HERC4: variants seen among roughly 807,000 people sequenced by gnomAD.
The protein encoded by HERC4 is probable E3 ubiquitin-protein ligase HERC4.
In HERC4, 28 loss-of-function variants were observed where a neutral mutation model predicts 124.3. That is an observed-to-expected ratio of 0.23 (90% CI 0.17 to 0.31). The LOEUF (loss-of-function observed/expected upper bound fraction) is 0.31, where lower values mean the gene tolerates loss of function less well. HERC4 is among the 10% of genes least tolerant of loss of function. The pLI, the probability that HERC4 is intolerant of heterozygous loss-of-function variation, is 1.00. For synonymous variants in HERC4, 407 were observed against 421.5 expected, an observed-to-expected ratio of 0.97 and a Z score of 0.42; for missense variants, 713 against 1,229.3, an observed-to-expected ratio of 0.58 and a Z score of 6.28.
At chr10:67,969,070 T>C (rs1186321522) in intron 15 of HERC4, among the ~76,000 whole-genome samples, 4 of 152,204 alleles carry the variant, frequency 2.6e-5, no homozygotes, top group Non-Finnish European at 5.9e-5. Flanking sequence ...CTGTCCACAA[T>C]GGAATTAAAC....
chr10:68,025,621 G>C lies in HERC4; in HGVS notation c.833C>G (p.Ser278Cys). 1 of 1,613,672 alleles carries C rather than the reference G, an allele frequency of 6.2e-7. No individual in the cohort carries two copies. Among genetic ancestry groups the C allele is most frequent in the Non-Finnish European group, 8.5e-7 (1 of 1,179,806 alleles). Residue 278 changes from serine to cysteine, a missense_variant, in exon 8 of 25, where the codon TCT becomes TGT. Coordinates refer to ENST00000373700, the MANE Select transcript of HERC4 (RefSeq NM_015601.4). ...CCTTGGGTTTATTTCATGACTGGTA[G>C]AATTATGGCCCAACTGACCATACCC... is the stretch of plus-strand genomic sequence containing the variant. The part of the protein sequence containing the change: ...AGGYGQLGHN[S>C]TSHEINPRKV...
chr10:68,011,196 A>C (rs1033837145), intron 9 of HERC4, among the ~76,000 whole-genome samples: 1 of 152,154 alleles, frequency 6.6e-6, no homozygotes, highest in East Asian at 1.9e-4. Flanking sequence ...CCCAAGTAGC[A>C]TGTGCCACCA....
intron 9 of HERC4, chr10:68,007,731 C>T (rs1038486654): frequency 3.3e-5 from 5 of 151,428 alleles, no homozygotes; most frequent in African/African-American, 9.7e-5. Flanking sequence ...GACAGAGTCT[C>T]ACTATGGTTG....
chr10:68,004,715 G>A (rs776024681), intron 9 of HERC4, among the ~76,000 whole-genome samples: 4 of 152,188 alleles, frequency 2.6e-5, no homozygotes, highest in Admixed American at 6.5e-5. Context: ...GGCAGAAGGC[G>A]AAGAGGAAGC....
chr10:67,948,947 C>T (rs1027651550), intron 19 of HERC4, among the ~76,000 whole-genome samples: 5 of 146,746 alleles, frequency 3.4e-5, no homozygotes, highest in African/African-American at 5.0e-5. Context: ...TAAATAAATA[C>T]AATTTTTAAA....
intron 19 of HERC4, among the ~76,000 whole-genome samples, chr10:67,943,338 G>C (rs2033074495): frequency 1.3e-5 from 2 of 152,174 alleles, no homozygotes; most frequent in Non-Finnish European, 2.9e-5. Context: ...GGAAAAAAGA[G>C]AATAAGGGAG....
At chr10:67,993,614 T>TC (rs1158743074) in intron 9 of HERC4, 2 of 152,114 alleles carry the variant, frequency 1.3e-5, no homozygotes, top group Admixed American at 6.6e-5. Context: ...ATTTTTTTTT[T>TC]CAATATAGGT....
At chr10:68,038,280 A>T (rs2039581412) in intron 4 of HERC4, 111 bp from the exon 5 acceptor site, 4 of 457,038 alleles carry the variant, frequency 8.8e-6, no homozygotes, top group South Asian at 1.3e-4. Flanking sequence ...AGGTCATATT[A>T]TTTTTTTTCA....
chr10:68,061,143 T>C (rs559849308), intron 3 of HERC4, among the ~76,000 whole-genome samples: 4 of 152,294 alleles, frequency 2.6e-5, no homozygotes, highest in Non-Finnish European at 5.9e-5. Context: ...ATACAACTTA[T>C]AGTTAAAATT....
intron 5 of HERC4, 108 bp downstream of exon 5, chr10:68,037,985 C>G: frequency 3.1e-6 from 2 of 644,182 alleles, no homozygotes; most frequent in East Asian, 6.2e-5. Flanking sequence ...GGATCAAGAA[C>G]CAGGGCAATC....
At chr10:67,934,033 C>T (rs982772875) in intron 22 of HERC4, among the ~76,000 whole-genome samples, 1 of 152,126 alleles carries the variant, frequency 6.6e-6, no homozygotes, top group African/African-American at 2.4e-5. Flanking sequence ...CAGAAATTCC[C>T]GCTATTAAAA....
intron 4 of HERC4, chr10:68,038,391 T>C: frequency 2.6e-6 from 1 of 378,236 alleles, no homozygotes; most frequent in Non-Finnish European, 4.7e-6. Flanking sequence ...GAACACATCT[T>C]GGAAAGACAG....
At chr10:67,960,463 G>A (rs541413099) in intron 16 of HERC4, among the ~76,000 whole-genome samples, 38 of 151,992 alleles carry the variant, frequency 2.5e-4, no homozygotes, top group African/African-American at 7.0e-4. Flanking sequence ...TCGTCTCACC[G>A]CAACCTCTGC....
At chr10:67,997,747 T>C (rs917070373) in intron 9 of HERC4, among the ~76,000 whole-genome samples, 8 of 152,212 alleles carry the variant, frequency 5.3e-5, no homozygotes, top group African/African-American at 1.2e-4. Flanking sequence ...TTTGCATGTT[T>C]CTTAGTAACA....
At chr10:67,935,014 A>C (rs993149109) in intron 22 of HERC4, among the ~76,000 whole-genome samples, 1 of 149,262 alleles carries the variant, frequency 6.7e-6, no homozygotes, top group African/African-American at 2.5e-5. Flanking sequence ...GTCACGCATC[A>C]TTCTGAGGAT....
intron 4 of HERC4, among the ~76,000 whole-genome samples, chr10:68,042,042 A>T (rs1392526056): frequency 1.3e-5 from 2 of 151,984 alleles, no homozygotes; most frequent in Non-Finnish European, 2.9e-5. Flanking sequence ...TTTGAGATGG[A>T]GTCTCGCTCT....
At chr10:67,932,843 A>T in intron 22 of HERC4, 63 bp from the exon 23 acceptor site, 1 of 1,414,724 alleles carries the variant, frequency 7.1e-7, no homozygotes, top group East Asian at 2.6e-5. Flanking sequence ...TCCATAATGT[A>T]GTCATTAAAA....
rs1814800608 is a variant in HERC4 at position 67,921,905 on chromosome 10, T to G, written c.*1026A>C. ...ACTCTTATATGAGAACCACTGAAAG[T>G]TTAAATATTAAAACAATAAATCTTT... On this transcript the variant is annotated 3_prime_UTR_variant, in exon 25 of 25. Coordinates refer to ENST00000373700, the MANE Select transcript of HERC4 (RefSeq NM_015601.4). 1 of 152,150 alleles carries G rather than the reference T, an allele frequency of 6.6e-6. No individual in the cohort carries two copies. Among genetic ancestry groups the G allele is most frequent in the South Asian group, 2.1e-4 (1 of 4,828 alleles). The allele number at this position is 152,150 out of a possible 1,614,324, so 9.4% of individuals were successfully genotyped here.
At chr10:67,961,820 A>G (rs1474368874) in intron 16 of HERC4, among the ~76,000 whole-genome samples, 1 of 152,222 alleles carries the variant, frequency 6.6e-6, no homozygotes, top group Admixed American at 6.5e-5. Flanking sequence ...ACATCACTCT[A>G]TGCAAACCCT....
Sources: gnomAD v4.1 joint callset for allele counts (sites outside exome capture counted in the v4.1 genomes callset) on GRCh38, gnomAD v4.1.1 for gene constraint, MANE v1.5 for transcripts, NCBI Gene and HGNC (gene_info 2026-07-23, HGNC 2026-07-21) for gene names.